ARL15: variants seen among roughly 807,000 people sequenced by gnomAD.
The protein encoded by ARL15 is ARF like GTPase 15.
Under a neutral mutation model 25.2 loss-of-function variants are expected in ARL15, and 19 were observed. The observed-to-expected ratio is 0.75, with a 90% CI of 0.53 to 1.10. ARL15 has a LOEUF of 1.10. Among genes scored for constraint, ARL15 ranks in the 50% least tolerant of loss-of-function variants. The pLI is 0.00. For missense variants in ARL15, 220 were observed against 246.0 expected (o/e 0.89, Z 0.71); for synonymous variants, 94 against 86.8 (o/e 1.08, Z -0.46).
intron 1 of ARL15, among the ~76,000 whole-genome samples, chr5:54,223,105 TG>T: frequency 6.6e-6 from 1 of 151,636 alleles, no homozygotes; most frequent in East Asian, 2.0e-4. Context: ...ATAGTCAAAC[TG>T]GGCCTTAAAA....
intron 1 of ARL15, among the ~76,000 whole-genome samples, chr5:54,300,932 A>G (rs929216089): frequency 3.3e-5 from 5 of 152,188 alleles, no homozygotes; most frequent in Admixed American, 1.3e-4. Context: ...ACCCTGCTCC[A>G]AAAACACAGA....
At chr5:54,045,541 T>G (rs1171318668) in intron 4 of ARL15, among the ~76,000 whole-genome samples, 1 of 152,044 alleles carries the variant, frequency 6.6e-6, no homozygotes, top group African/African-American at 2.4e-5. Flanking sequence ...CAAATAGAGA[T>G]TTTTGGTAAG....
intron 1 of ARL15, among the ~76,000 whole-genome samples, chr5:54,230,180 C>T (rs1353262147): frequency 6.6e-6 from 1 of 151,810 alleles, no homozygotes. Flanking sequence ...AATCCCGTCT[C>T]TACCAAAAAT....
chr5:54,061,840 G>T (rs975142828), intron 4 of ARL15, among the ~76,000 whole-genome samples: 5 of 152,036 alleles, frequency 3.3e-5, no homozygotes, highest in African/African-American at 1.2e-4. Context: ...CCATCCTCCT[G>T]ACCCTAGAAT....
intron 4 of ARL15, among the ~76,000 whole-genome samples, chr5:54,000,651 C>G (rs934138238): frequency 6.6e-6 from 1 of 152,226 alleles, no homozygotes; most frequent in East Asian, 1.9e-4. Context: ...CTGATACTTC[C>G]TCTGAGTTTT....
intron 4 of ARL15, among the ~76,000 whole-genome samples, chr5:54,038,636 C>G (rs1488731226): frequency 6.6e-6 from 1 of 152,012 alleles, no homozygotes; most frequent in Non-Finnish European, 1.5e-5. Context: ...CCATCTCACT[C>G]TGTGAATTTA....
At chr5:53,945,223 G>C (rs1256940740) in intron 4 of ARL15, among the ~76,000 whole-genome samples, 1 of 152,160 alleles carries the variant, frequency 6.6e-6, no homozygotes, top group African/African-American at 2.4e-5. Flanking sequence ...TGATCTAACA[G>C]ACAATCGCTA....
chr5:53,995,818 C>A (rs763190285), intron 4 of ARL15, among the ~76,000 whole-genome samples: 1 of 147,426 alleles, frequency 6.8e-6, no homozygotes, highest in Non-Finnish European at 1.5e-5. Context: ...TATTCCCATA[C>A]GTTCCCCAAA....
chr5:54,076,542 T>C (rs1751615125), intron 4 of ARL15, among the ~76,000 whole-genome samples: 1 of 152,202 alleles, frequency 6.6e-6, no homozygotes, highest in Non-Finnish European at 1.5e-5. Context: ...TGATAAACTA[T>C]TTGAAATAGT....
intron 1 of ARL15, among the ~76,000 whole-genome samples, chr5:54,256,652 A>C (rs1257062438): frequency 6.6e-6 from 1 of 151,750 alleles, no homozygotes; most frequent in African/African-American, 2.4e-5. Flanking sequence ...AAAACTACAG[A>C]TCAATTTCCC....
chr5:53,936,631 A>C (rs753774249), intron 4 of ARL15, among the ~76,000 whole-genome samples: 23 of 152,278 alleles, frequency 1.5e-4, no homozygotes, highest in Admixed American at 2.6e-4. Flanking sequence ...ATGTGTTTAA[A>C]GTATCTGATA....
intron 1 of ARL15, among the ~76,000 whole-genome samples, chr5:54,300,150 C>G (rs181970130): frequency 4.1e-4 from 62 of 152,298 alleles, no homozygotes; most frequent in Non-Finnish European, 7.1e-4. Context: ...TATCTCCCTT[C>G]TGCCCTTGAA....
intron 4 of ARL15, among the ~76,000 whole-genome samples, chr5:54,102,983 T>C (rs1752484830): frequency 1.3e-5 from 2 of 152,198 alleles, no homozygotes; most frequent in South Asian, 4.1e-4. Context: ...AGTTACCATG[T>C]AAACATTATA....
intron 4 of ARL15, among the ~76,000 whole-genome samples, chr5:53,963,805 T>TCACACACACACACACACA (rs60458728): frequency 7.0e-6 from 1 of 143,140 alleles, no homozygotes; most frequent in African/African-American, 2.7e-5. Context: ...TGAAACTCCA[T>TCACACACACACACACACA]CACACACACA....
intron 4 of ARL15, among the ~76,000 whole-genome samples, chr5:54,016,752 C>A (rs1179330692): frequency 1.3e-5 from 2 of 152,218 alleles, no homozygotes; most frequent in East Asian, 3.8e-4. Flanking sequence ...ATGTTAACCT[C>A]CTCATGCTAC....
At chr5:54,284,266 GC>G (rs1758133126) in intron 1 of ARL15, among the ~76,000 whole-genome samples, 1 of 152,126 alleles carries the variant, frequency 6.6e-6, no homozygotes, top group African/African-American at 2.4e-5. Flanking sequence ...ACCATGCCCA[GC>G]AAATATTTTA....
At chr5:54,076,772 A>G (rs569834895) in intron 4 of ARL15, among the ~76,000 whole-genome samples, 76 of 148,912 alleles carry the variant, frequency 5.1e-4, no homozygotes, top group African/African-American at 1.7e-3. Context: ...TAGTGTTAAT[A>G]GAGTCCAATG....
intron 1 of ARL15, among the ~76,000 whole-genome samples, chr5:54,247,810 G>C (rs1000699666): frequency 6.6e-6 from 1 of 151,996 alleles, no homozygotes. Context: ...TGCTTGTCAG[G>C]TTGGGCAGTT....
chr5:53,951,599 C>G (rs777263953), intron 4 of ARL15: 8 of 466,402 alleles, frequency 1.7e-5, no homozygotes, highest in African/African-American at 4.1e-5. Flanking sequence ...CTTCACATAA[C>G]TTTTTGGAAA....
Sources: allele counts gnomAD v4.1 joint callset (sites outside exome capture counted in the v4.1 genomes callset), GRCh38; gene constraint gnomAD v4.1.1; transcripts MANE v1.5; gene names NCBI Gene and HGNC (gene_info 2026-07-23, HGNC 2026-07-21).